The following ADARB2 variants were observed in gnomAD, a reference collection of about 807,000 sequenced individuals.
The protein encoded by ADARB2 is adenosine deaminase RNA specific B2 (inactive), also known as inactive double-stranded RNA-specific editase B2.
A neutral mutation model predicts 62.2 loss-of-function variants in ADARB2; 25 were observed. The ratio of observed to expected loss-of-function variants is 0.40; its 90% CI spans 0.29 to 0.56. The LOEUF is 0.56. Among genes scored for constraint, ADARB2 ranks in the 20% least tolerant of loss-of-function variants. ADARB2 has a pLI of 0.43. For synonymous variants in ADARB2, 572 were observed against 500.8 expected (o/e 1.14, Z -1.90); for missense variants, 1,071 against 1,077.4 (o/e 0.99, Z 0.08).
At chr10:1,226,453 G>A (rs1219012901) in intron 6 of ADARB2, among the ~76,000 whole-genome samples, 1 of 152,188 alleles carries the variant, frequency 6.6e-6, no homozygotes, top group Non-Finnish European at 1.5e-5. Context: ...TGCTGGTGAG[G>A]CACTCCATTC....
Position 1,379,147 on chromosome 10 carries a change from T to C in ADARB2, c.114A>G (p.Ile38Met), listed in dbSNP as rs752011712. 1 of 1,612,508 alleles carries C rather than the reference T, an allele frequency of 6.2e-7. No individual in the cohort carries two copies. Among genetic ancestry groups the C allele is most frequent in the Non-Finnish European group, 8.5e-7 (1 of 1,178,660 alleles). Residue 38 changes from isoleucine (I) to methionine (M), a missense_variant, in exon 2 of 10, where the codon ATA becomes ATG. Physicochemically the swap from Ile to Met is conservative, Grantham distance 10 (BLOSUM62 1). Coordinates refer to ENST00000381312, the MANE Select transcript of ADARB2 (RefSeq NM_018702.4). ...RRSKRKDKVS[I>M]LSTFLAPFKH... ...TGAAAGGAGCGAGGAAGGTTGACAATATGCTTACTTTATCTGGAAAGAAAA... is the reference window on the plus strand; with the variant it reads ...TGAAAGGAGCGAGGAAGGTTGACAACATGCTTACTTTATCTGGAAAGAAAA...
chr10:1,567,883 C>G (rs765884218), intron 1 of ADARB2, among the ~76,000 whole-genome samples: 2 of 152,162 alleles, frequency 1.3e-5, no homozygotes, highest in East Asian at 3.9e-4. Context: ...CAGACAGGCC[C>G]GGGATCTGAT....
intron 3 of ADARB2, among the ~76,000 whole-genome samples, chr10:1,287,504 C>T (rs912931648): frequency 6.6e-6 from 1 of 152,136 alleles, no homozygotes; most frequent in African/African-American, 2.4e-5. Flanking sequence ...TACCTGAAAC[C>T]TCGCGTGCTC....
At chr10:1,430,784 G>A (rs1297083432) in intron 1 of ADARB2, among the ~76,000 whole-genome samples, 2 of 151,880 alleles carry the variant, frequency 1.3e-5, no homozygotes, top group Admixed American at 1.3e-4. Context: ...ATATAAAGTA[G>A]ACTCATAGCC....
intron 1 of ADARB2, among the ~76,000 whole-genome samples, chr10:1,628,911 C>T (rs772851500): frequency 1.3e-5 from 2 of 152,200 alleles, no homozygotes; most frequent in Non-Finnish European, 2.9e-5. Context: ...CCCTGGTGTC[C>T]GTTGGGTTCT....
chr10:1,269,889 G>A (rs934287828), intron 4 of ADARB2, among the ~76,000 whole-genome samples: 13 of 152,148 alleles, frequency 8.5e-5, no homozygotes, highest in African/African-American at 3.1e-4. Context: ...TCCACAAAGA[G>A]GCAGGTGTCA....
At chr10:1,277,290 AC>A (rs1289134404) in intron 3 of ADARB2, among the ~76,000 whole-genome samples, 3 of 152,186 alleles carry the variant, frequency 2.0e-5, no homozygotes, top group Admixed American at 6.5e-5. Context: ...GACACAAAAA[AC>A]CCTTCAAAAA....
chr10:1,734,593 T>C (rs1482239258), intron 1 of ADARB2, among the ~76,000 whole-genome samples: 1 of 152,222 alleles, frequency 6.6e-6, no homozygotes, highest in Non-Finnish European at 1.5e-5. Context: ...AAATGATTCT[T>C]GTCCCTTAGA....
At chr10:1,454,860 C>A (rs1302681010) in intron 1 of ADARB2, among the ~76,000 whole-genome samples, 1 of 152,098 alleles carries the variant, frequency 6.6e-6, no homozygotes, top group African/African-American at 2.4e-5. Flanking sequence ...AAAAAAAGAA[C>A]AGAAAAAAGA....
At chr10:1,557,510 T>C (rs1288818131) in intron 1 of ADARB2, among the ~76,000 whole-genome samples, 2 of 152,162 alleles carry the variant, frequency 1.3e-5, no homozygotes, top group African/African-American at 2.4e-5. Context: ...AATTCTGTTT[T>C]CCCAGGCAGC....
chr10:1,412,396 T>C (rs1445671176), intron 1 of ADARB2, among the ~76,000 whole-genome samples: 1 of 151,962 alleles, frequency 6.6e-6, no homozygotes, highest in Non-Finnish European at 1.5e-5. Context: ...ATTTAAAAAA[T>C]TTATAAATCC....
intron 1 of ADARB2, among the ~76,000 whole-genome samples, chr10:1,730,688 A>G (rs890696862): frequency 1.3e-5 from 2 of 152,096 alleles, no homozygotes; most frequent in Non-Finnish European, 2.9e-5. Flanking sequence ...GGAATGCATG[A>G]TTTATTGGAC....
chr10:1,653,487 C>G (rs959937812), intron 1 of ADARB2, among the ~76,000 whole-genome samples: 1 of 152,164 alleles, frequency 6.6e-6, no homozygotes, highest in African/African-American at 2.4e-5. Flanking sequence ...GGTCAGCGCT[C>G]TCCACCCGAC....
chr10:1,229,791 T>TGTGTGTGCACATATGTGC, intron 6 of ADARB2, among the ~76,000 whole-genome samples: 3 of 125,668 alleles, frequency 2.4e-5, no homozygotes, highest in Admixed American at 2.4e-4. Context: ...TGTACATGTG[T>TGTGTGTGCACATATGTGC]TTATGTGTGT....
At chr10:1,608,926 C>T (rs959209491) in intron 1 of ADARB2, among the ~76,000 whole-genome samples, 3 of 152,292 alleles carry the variant, frequency 2.0e-5, no homozygotes, top group Admixed American at 1.3e-4. Flanking sequence ...TGCCGGATGG[C>T]CATGCCCTAT....
At chr10:1,581,458 G>C (rs949571140) in intron 1 of ADARB2, among the ~76,000 whole-genome samples, 9 of 152,210 alleles carry the variant, frequency 5.9e-5, no homozygotes, top group African/African-American at 2.2e-4. Context: ...GTGGAGCCTG[G>C]GCCCTGGAGC....
At chr10:1,603,022 ACACAT>A (rs577094928) in intron 1 of ADARB2, among the ~76,000 whole-genome samples, 35,502 of 148,766 alleles carry the variant, frequency 0.24, 4,234 homozygotes, top group Non-Finnish European at 0.26. Context: ...ACACACATAC[ACACAT>A]CAATATAAAC....
intron 1 of ADARB2, among the ~76,000 whole-genome samples, chr10:1,715,772 G>A (rs1835009164): frequency 6.6e-6 from 1 of 152,264 alleles, no homozygotes; most frequent in African/African-American, 2.4e-5. Flanking sequence ...GAGGAAGCCA[G>A]GAGGCTCCGG....
At chr10:1,680,916 A>T (rs1300455144) in intron 1 of ADARB2, among the ~76,000 whole-genome samples, 1 of 152,212 alleles carries the variant, frequency 6.6e-6, no homozygotes, top group East Asian at 1.9e-4. Flanking sequence ...ATCAGATCCC[A>T]TAATAATCTT....
Sources: allele counts gnomAD v4.1 joint callset (sites outside exome capture counted in the v4.1 genomes callset), GRCh38; gene constraint gnomAD v4.1.1; transcripts MANE v1.5; gene names NCBI Gene and HGNC (gene_info 2026-07-23, HGNC 2026-07-21).